MBNL2: variants seen among roughly 807,000 people sequenced by gnomAD.
MBNL2 encodes muscleblind-like protein 2.
Under a neutral mutation model 41.9 loss-of-function variants are expected in MBNL2, and 17 were observed. The observed-to-expected ratio is 0.41, with a 90% CI of 0.28 to 0.61. The LOEUF (loss-of-function observed/expected upper bound fraction) is 0.61. Among genes scored for constraint, MBNL2 ranks in the 20% least tolerant of loss-of-function variants. The pLI is 0.35. For missense variants in MBNL2, 336 were observed against 505.6 expected (o/e 0.66, Z 3.22); for synonymous variants, 195 against 182.9 (o/e 1.07, Z -0.53).
intron 8 of MBNL2, among the ~76,000 whole-genome samples, chr13:97,374,033 C>T (rs924907430): frequency 6.4e-5 from 9 of 141,680 alleles, no homozygotes; most frequent in Middle Eastern, 3.9e-3. Flanking sequence ...CGGTCCTTTG[C>T]ATAACACCTC....
chr13:97,243,637 C>T (rs922677532), intron 1 of MBNL2, among the ~76,000 whole-genome samples: 4 of 152,184 alleles, frequency 2.6e-5, no homozygotes, highest in South Asian at 2.1e-4. Flanking sequence ...GCTTCTAAGG[C>T]ATATCAAGTT....
intron 5 of MBNL2, among the ~76,000 whole-genome samples, chr13:97,353,568 A>C (rs1034266933): frequency 1.3e-5 from 2 of 152,210 alleles, no homozygotes; most frequent in African/African-American, 4.8e-5. Context: ...TAGATCCTTA[A>C]AAGGAATGGA....
intron 2 of MBNL2, among the ~76,000 whole-genome samples, chr13:97,310,955 C>A (rs1013465392): frequency 1.3e-5 from 2 of 151,966 alleles, no homozygotes; most frequent in African/African-American, 2.4e-5. Context: ...TGATAAAAAT[C>A]AATGTAATAT....
Position 97,334,211 on chromosome 13 carries a change from C to T in MBNL2, c.175-65C>T. 7.9e-7 allele frequency: 1 copy of T among 1,265,272 alleles called. No homozygotes were observed. 78.4% of individuals were successfully genotyped at this position (1,265,272 alleles called of 1,614,324 possible). A position where few individuals can be genotyped will look rare whatever the true frequency, so the allele number is the denominator to read the frequency against. ...CTTTTGTGCATAAGAAGTGATTGTT[C>T]AGTGGTTGACTTTGGAGTTGCAAGC... On this transcript the variant is annotated intron_variant, in intron 2 of 8. Coordinates refer to ENST00000679496, the MANE Select transcript of MBNL2 (RefSeq NM_001382683.1). The surrounding 1 kb of genome is among the most constrained non-coding windows in gnomAD (Gnocchi z 5.3).
rs114157342 is a variant in MBNL2 at position 97,231,048 on chromosome 13, G to C, written c.-605+8517G>C. Among the ~76,000 whole-genome samples, 695 of 152,318 alleles carry C rather than the reference G, an allele frequency of 4.6e-3. 7 individuals are homozygous for C. The highest frequency in any genetic ancestry group is 0.016 in the African/African-American group (645 of 41,568). On this transcript the variant is annotated intron_variant, in intron 1 of 8. Coordinates refer to ENST00000679496, the MANE Select transcript of MBNL2 (RefSeq NM_001382683.1). ...TACTGGTTAGAACAGTAATTCCAGAGTGATTGGAGATATCACTTGACACTT... is the reference window on the plus strand; with the variant it reads ...TACTGGTTAGAACAGTAATTCCAGACTGATTGGAGATATCACTTGACACTT...
intron 5 of MBNL2, among the ~76,000 whole-genome samples, chr13:97,348,233 T>C (rs2062077367): frequency 6.6e-6 from 1 of 151,660 alleles, no homozygotes; most frequent in Non-Finnish European, 1.5e-5. Context: ...TAAGTTCTAA[T>C]TTTTTTTGTA....
chr13:97,353,307 G>C (rs2062671977), intron 5 of MBNL2, among the ~76,000 whole-genome samples: 1 of 152,206 alleles, frequency 6.6e-6, no homozygotes, highest in Non-Finnish European at 1.5e-5. Flanking sequence ...GTTGAAGTGA[G>C]AGGCTCATTT....
At chr13:97,154,332 T>C in the MBNL2 span, among the ~76,000 whole-genome samples, 1 of 152,264 alleles carries the variant, frequency 6.6e-6, no homozygotes, top group African/African-American at 2.4e-5. Flanking sequence ...TTTTGTTTTG[T>C]GAGACAGAGT....
chr13:97,351,673 T>C (rs1471602642), intron 5 of MBNL2, among the ~76,000 whole-genome samples: 1 of 152,198 alleles, frequency 6.6e-6, no homozygotes, highest in Non-Finnish European at 1.5e-5. Context: ...TTTTCTTTTG[T>C]AGCTTCCTGT....
the MBNL2 span, among the ~76,000 whole-genome samples, chr13:97,167,643 A>C: frequency 6.6e-6 from 1 of 152,210 alleles, no homozygotes; most frequent in Non-Finnish European, 1.5e-5. Flanking sequence ...GCTAATTACC[A>C]ATCTAATTTA....
At chr13:97,322,108 G>A (rs1022004350) in intron 2 of MBNL2, among the ~76,000 whole-genome samples, 2 of 152,158 alleles carry the variant, frequency 1.3e-5, no homozygotes, top group African/African-American at 4.8e-5. Flanking sequence ...TAGAGCAGAT[G>A]CTCCAAAACT....
At chr13:97,154,577 A>C in the MBNL2 span, among the ~76,000 whole-genome samples, 1 of 152,094 alleles carries the variant, frequency 6.6e-6, no homozygotes. Flanking sequence ...TGGCCTCCCA[A>C]AGTGCTGGGA....
At chr13:97,174,773 A>C in the MBNL2 span, among the ~76,000 whole-genome samples, 2 of 152,126 alleles carry the variant, frequency 1.3e-5, no homozygotes, top group African/African-American at 4.8e-5. Context: ...TTTCTGGAAA[A>C]ATGAAAGCAG....
chr13:97,169,611 AAT>A, the MBNL2 span, among the ~76,000 whole-genome samples: 1 of 152,208 alleles, frequency 6.6e-6, no homozygotes, highest in Admixed American at 6.5e-5. Context: ...TGAATTCAGA[AAT>A]GACCACATAA....
At chr13:97,207,516 A>G in the MBNL2 span, among the ~76,000 whole-genome samples, 1,364 of 152,258 alleles carry the variant, frequency 9.0e-3, 21 homozygotes, top group African/African-American at 0.031. Context: ...TTTTAAAACC[A>G]TCAGATCTTG....
the MBNL2 span, among the ~76,000 whole-genome samples, chr13:97,184,144 A>G: frequency 6.6e-6 from 1 of 152,124 alleles, no homozygotes; most frequent in Admixed American, 6.5e-5. Flanking sequence ...TGTTAGGGGG[A>G]GAAAAGACTA....
intron 2 of MBNL2, among the ~76,000 whole-genome samples, chr13:97,304,341 C>T (rs770933622): frequency 1.2e-4 from 19 of 152,094 alleles, no homozygotes; most frequent in Non-Finnish European, 2.6e-4. Flanking sequence ...TTGATTATTG[C>T]CTACACTGAC....
At position 97,228,975 on chromosome 13, in the gene MBNL2, G is replaced by A. The variant is rs137977834; in HGVS notation, c.-605+6444G>A. Among the ~76,000 whole-genome samples, 693 of 151,658 alleles carry A rather than the reference G, an allele frequency of 4.6e-3. 3 individuals carry two copies. The highest frequency in any genetic ancestry group is 0.01 in the South Asian group (50 of 4,762). ...TCCTCAAACCTCTGGGAATCCACAC[G>A]TGATATTTAATGAGATAAATGAAAT... On this transcript the variant is annotated intron_variant, in intron 1 of 8. Coordinates refer to ENST00000679496, the MANE Select transcript of MBNL2 (RefSeq NM_001382683.1).
chr13:97,196,924 C>G, the MBNL2 span, among the ~76,000 whole-genome samples: 1 of 152,116 alleles, frequency 6.6e-6, no homozygotes, highest in African/African-American at 2.4e-5. Context: ...CTTTAATGTC[C>G]CTTTTGTGAT....
Sources: gnomAD v4.1 joint callset for allele counts (sites outside exome capture counted in the v4.1 genomes callset) on GRCh38, gnomAD v4.1.1 for gene constraint, Gnocchi (gnomAD v3.1) non-coding constraint, MANE v1.5 for transcripts, NCBI Gene and HGNC (gene_info 2026-07-23, HGNC 2026-07-21) for gene names.